SCPEP1: variants seen among roughly 807,000 people sequenced by gnomAD.
SCPEP1 encodes retinoid-inducible serine carboxypeptidase.
Under a neutral mutation model 63.8 loss-of-function variants are expected in SCPEP1, and 51 were observed. The observed-to-expected ratio is 0.80, with a 90% CI of 0.64 to 1.01. The LOEUF is 1.01. Among genes scored for constraint, SCPEP1 ranks in the 50% least tolerant of loss-of-function variants. The probability of loss-of-function intolerance (pLI) is 0.00; values close to 1 mark genes in which losing one functional copy is unlikely to be tolerated. For synonymous variants in SCPEP1, 204 were observed against 207.8 expected, an observed-to-expected ratio of 0.98 and a Z score of 0.16; for missense variants, 499 against 554.9, an observed-to-expected ratio of 0.90 and a Z score of 1.01.
In SCPEP1 at chr17:56,988,082, TG is replaced by T; in HGVS notation, c.472-132del. 3 of 778,226 alleles carry T rather than the reference TG, an allele frequency of 3.9e-6. No individual in the cohort carries two copies. In the East Asian group the frequency reaches 7.9e-5, roughly 20 times the overall value. The allele number at this position is 778,226 out of a possible 1,614,324, so 48.2% of individuals were successfully genotyped here. On this transcript the variant is annotated intron_variant, in intron 4 of 12. Transcript: ENST00000262288. ...TCTAATCAGACGCAATAATCAGATA[TG>T]GAGTGGTGGGGGAGGAAGACAAAGC...
chr17:56,978,380 CTTTTT>C, intron 1 of SCPEP1, 145 bp downstream of exon 1: 1 of 775,984 alleles, frequency 1.3e-6, no homozygotes, highest in Non-Finnish European at 1.8e-6. Flanking sequence ...GAATCTCACT[CTTTTT>C]TTTTTTTTTC....
intron 7 of SCPEP1, 188 bp from the exon 8 acceptor site, chr17:56,995,319 T>C: frequency 1.6e-6 from 1 of 619,220 alleles, no homozygotes; most frequent in Non-Finnish European, 2.8e-6. Flanking sequence ...GGTGAATACC[T>C]ACTTAGGTTC....
In SCPEP1 at chr17:56,987,684, G is replaced by T. The variant is rs371740708; in HGVS notation, c.316-11G>T. 116 of 1,610,560 alleles carry T rather than the reference G, an allele frequency of 7.2e-5. No homozygotes were observed. The highest frequency in any genetic ancestry group is 9.6e-5 in the Non-Finnish European group (113 of 1,178,698). On this transcript the variant is annotated splice_polypyrimidine_tract_variant and intron_variant, in intron 3 of 12. Coordinates refer to ENST00000262288, the MANE Select transcript of SCPEP1 (RefSeq NM_021626.3). ...TGATTGCAACATTTCGTTTTCCTCC[G>T]TGGTACATAGCTCCAGGCTGCCAGT...
intron 1 of SCPEP1, among the ~76,000 whole-genome samples, chr17:56,980,523 T>C (rs143699905): frequency 8.7e-4 from 133 of 152,328 alleles, no homozygotes; most frequent in African/African-American, 3.1e-3. Context: ...ATTATAAAAG[T>C]ATTTCCTGTA....
rs1263280101 is a variant in SCPEP1, at chr17:56,997,021, GGAGTC to G, written c.852_856del (p.Ser285ArgfsTer40). ...CTAAAAGCACTCCCACGTCTACAATGGAGTCGAGTCTAGAATTCACACAGAGCCAC... is the reference window on the plus strand; with the variant it reads ...CTAAAAGCACTCCCACGTCTACAATGGAGTCTAGAATTCACACAGAGCCAC... On this transcript the variant is annotated frameshift_variant, in exon 9 of 13. Transcript: ENST00000262288. LOFTEE classifies it high-confidence loss of function. The G allele has an allele frequency of 1.2e-6, 2 of 1,608,726 alleles. No individual in the cohort carries two copies. Among genetic ancestry groups the G allele is most frequent in the Non-Finnish European group, 1.7e-6 (2 of 1,177,014 alleles).
chr17:56,990,652 G>C (rs1911366683), intron 5 of SCPEP1, among the ~76,000 whole-genome samples: 1 of 152,136 alleles, frequency 6.6e-6, no homozygotes, highest in Admixed American at 6.5e-5. Context: ...TTTTGAGACA[G>C]GATCTTGCTG....
chr17:57,000,736 G>T, intron 10 of SCPEP1, 119 bp from the exon 11 acceptor site: 1 of 1,188,392 alleles, frequency 8.4e-7, no homozygotes, highest in Non-Finnish European at 1.2e-6. Flanking sequence ...CCCTGTTTGT[G>T]AAGCATCTGT....
At chr17:56,980,783 C>T (rs902081114) in intron 1 of SCPEP1, among the ~76,000 whole-genome samples, 3 of 82,158 alleles carry the variant, frequency 3.7e-5, no homozygotes, top group Non-Finnish European at 4.2e-5. Flanking sequence ...AGCGAGACTT[C>T]GTATCAAAAA....
intron 10 of SCPEP1, 66 bp from the exon 11 acceptor site, chr17:57,000,789 G>A (rs756857723): frequency 6.3e-7 from 1 of 1,584,994 alleles, no homozygotes; most frequent in East Asian, 2.2e-5. Flanking sequence ...GATGCTCTGG[G>A]CTGAAAGGTA....
At chr17:56,986,922 G>C (rs984451127) in intron 3 of SCPEP1, among the ~76,000 whole-genome samples, 8 of 150,608 alleles carry the variant, frequency 5.3e-5, no homozygotes, top group Non-Finnish European at 1.0e-4. Context: ...GGCCTTTCCT[G>C]TGCTTGGTTC....
chr17:57,004,573 A>G (rs1020166925), intron 12 of SCPEP1, among the ~76,000 whole-genome samples: 2 of 150,714 alleles, frequency 1.3e-5, no homozygotes, highest in Non-Finnish European at 3.0e-5. Flanking sequence ...CAGATTTTTA[A>G]TTTTTTTTTT....
At chr17:56,999,962 A>G (rs1412415476) in intron 10 of SCPEP1, among the ~76,000 whole-genome samples, 1 of 150,060 alleles carries the variant, frequency 6.7e-6, no homozygotes. Context: ...AGCCTGGGCA[A>G]TAAGAGTGAA....
intron 6 of SCPEP1, among the ~76,000 whole-genome samples, chr17:56,992,990 C>A (rs919210596): frequency 2.0e-5 from 3 of 152,208 alleles, no homozygotes; most frequent in African/African-American, 7.2e-5. Flanking sequence ...TATTGCCCCT[C>A]TATCCCAGAA....
At chr17:56,995,739 C>T in intron 8 of SCPEP1, 104 bp downstream of exon 8, 1 of 1,181,716 alleles carries the variant, frequency 8.5e-7, no homozygotes, top group Non-Finnish European at 1.2e-6. Context: ...TGAGGCTCCC[C>T]ACATATCTGC....
rs1288975425 is a variant in SCPEP1, at chr17:56,981,212, C to T, written c.207C>T (p.Pro69=). Residue 69 remains proline (P), a synonymous_variant, in exon 2 of 13, where the codon CCC becomes CCT. Coordinates refer to ENST00000262288, the MANE Select transcript of SCPEP1 (RefSeq NM_021626.3). Reference sequence around the variant, plus strand: ...CCTGCAAGAACTTCTCAGAACTGCCCCTGGTCATGTGGCTTCAGGTAAAGT... The same window carrying T: ...CCTGCAAGAACTTCTCAGAACTGCCTCTGGTCATGTGGCTTCAGGTAAAGT... ...TNSCKNFSEL[P]LVMWLQGGPG... 1.2e-6 allele frequency: 2 copies of T among 1,614,040 alleles called. No homozygotes were observed. Among genetic ancestry groups the T allele is most frequent in the African/African-American group, 1.3e-5 (1 of 74,918 alleles).
At chr17:56,980,788 CAAA>C (rs10716600) in intron 1 of SCPEP1, among the ~76,000 whole-genome samples, 103 of 77,130 alleles carry the variant, frequency 1.3e-3, no homozygotes, top group African/African-American at 4.3e-3. Flanking sequence ...GACTTCGTAT[CAAA>C]AAAAAAAAAA....
chr17:56,988,412 A>T, intron 5 of SCPEP1, 122 bp downstream of exon 5: 1 of 636,826 alleles, frequency 1.6e-6, no homozygotes, highest in South Asian at 2.8e-5. Context: ...GTACGATTAA[A>T]TCTGTAGTAA....
chr17:56,978,326 G>A, intron 1 of SCPEP1, 91 bp downstream of exon 1: 2 of 1,381,002 alleles, frequency 1.4e-6, no homozygotes, highest in South Asian at 1.5e-5. Context: ...TTGAAAACAT[G>A]TCTCTTTTCC....
intron 3 of SCPEP1, among the ~76,000 whole-genome samples, chr17:56,985,760 G>T (rs540377284): frequency 6.6e-6 from 1 of 152,106 alleles, no homozygotes; most frequent in East Asian, 1.9e-4. Flanking sequence ...TGTTATGCAC[G>T]CTGGCCATCT....
Sources: allele counts gnomAD v4.1 joint callset (sites outside exome capture counted in the v4.1 genomes callset), GRCh38; gene constraint gnomAD v4.1.1; transcripts MANE v1.5; gene names NCBI Gene and HGNC (gene_info 2026-07-23, HGNC 2026-07-21).